The following IMMP1L variants were observed in gnomAD, a reference collection of about 807,000 sequenced individuals.
IMMP1L encodes the protein inner mitochondrial membrane peptidase subunit 1.
Under a neutral mutation model 21.8 loss-of-function variants are expected in IMMP1L, and 24 were observed. The ratio of observed to expected loss-of-function variants is 1.10; its 90% CI spans 0.80 to 1.55. The LOEUF is 1.55. Ranked by LOEUF, IMMP1L falls within the 40% of genes most tolerant of loss-of-function variation. The probability of loss-of-function intolerance (pLI) is 0.00; values close to 1 mark genes in which losing one functional copy is unlikely to be tolerated. For synonymous variants in IMMP1L, 46 were observed against 62.8 expected, an observed-to-expected ratio of 0.73 and a Z score of 1.26; for missense variants, 195 against 200.7, an observed-to-expected ratio of 0.97 and a Z score of 0.17.
chr11:31,462,331 A>G (rs66974646), intron 2 of IMMP1L, among the ~76,000 whole-genome samples: 25 of 147,172 alleles, frequency 1.7e-4, no homozygotes, highest in African/African-American at 2.1e-4. Context: ...AAAAAAAAAA[A>G]GAAGGGAAAT....
intron 1 of IMMP1L, chr11:31,469,794 G>T (rs1412072796): frequency 6.6e-6 from 1 of 152,104 alleles, no homozygotes; most frequent in Non-Finnish European, 1.5e-5. Flanking sequence ...GTAGAGTCAA[G>T]ATGCTGAAAA....
At chr11:31,454,699 T>A in intron 4 of IMMP1L, among the ~76,000 whole-genome samples, 1 of 152,160 alleles carries the variant, frequency 6.6e-6, no homozygotes, top group Non-Finnish European at 1.5e-5. Flanking sequence ...ATTTACATCT[T>A]ACAGTGCTGG....
At position 31,455,977 on chromosome 11, in the gene IMMP1L, G is replaced by A. The variant is rs556923217; in HGVS notation, c.321+283C>T. On this transcript the variant is annotated intron_variant, in intron 4 of 5. Transcript: ENST00000532287. ...TTTGGGAGAGATAAGTTCAGATTAT[G>A]TAAAATTCTATTTCTCCTCAAACTT... Among the ~76,000 whole-genome samples the A allele has an allele frequency of 6.6e-5, 10 of 152,192 alleles. 1 individual carries two copies. In the South Asian group the frequency reaches 2.1e-3, roughly 32 times the overall value.
At chr11:31,457,861 A>T (rs1015554233) in intron 3 of IMMP1L, among the ~76,000 whole-genome samples, 26 of 152,188 alleles carry the variant, frequency 1.7e-4, no homozygotes, top group Non-Finnish European at 1.3e-4. Context: ...GTTGAAAGGT[A>T]GCAAATCGTT....
rs377212112 is a variant in IMMP1L, at chr11:31,435,191, C to T, written c.322-1621G>A. Among the ~76,000 whole-genome samples, 3 of 152,100 alleles carry T rather than the reference C, an allele frequency of 2.0e-5. No homozygotes were observed. The East Asian group carries it at 5.8e-4, about 29-fold the overall frequency. On this transcript the variant is annotated intron_variant, in intron 4 of 5. Transcript: ENST00000532287. ...TAAAACATTATGCAAACTAATAAGG[C>T]AACTATCAACAATCTAGGGATATCT...
intron 1 of IMMP1L, among the ~76,000 whole-genome samples, chr11:31,483,356 TAAAG>T (rs1954964086): frequency 6.6e-6 from 1 of 152,148 alleles, no homozygotes; most frequent in Admixed American, 6.6e-5. Context: ...CACAGATGTA[TAAAG>T]ATAGTCTAAA....
At chr11:31,504,069 C>CA (rs1385507193) in intron 1 of IMMP1L, among the ~76,000 whole-genome samples, 2 of 151,840 alleles carry the variant, frequency 1.3e-5, no homozygotes, top group African/African-American at 4.8e-5. Context: ...ACACCAAACA[C>CA]AAAAAAGTCA....
chr11:31,494,792 C>T (rs1374279856), intron 1 of IMMP1L, among the ~76,000 whole-genome samples: 1 of 152,078 alleles, frequency 6.6e-6, no homozygotes, highest in Non-Finnish European at 1.5e-5. Flanking sequence ...ACTACAGGTG[C>T]CCGCCACCAC....
At chr11:31,464,068 A>G (rs908857885) in intron 1 of IMMP1L, among the ~76,000 whole-genome samples, 5 of 152,124 alleles carry the variant, frequency 3.3e-5, no homozygotes, top group Non-Finnish European at 5.9e-5. Flanking sequence ...CTTAACTAAT[A>G]GCCTAACTCT....
At chr11:31,441,551 C>T (rs1953331214) in intron 4 of IMMP1L, among the ~76,000 whole-genome samples, 1 of 151,988 alleles carries the variant, frequency 6.6e-6, no homozygotes, top group Non-Finnish European at 1.5e-5. Context: ...AAACACAACA[C>T]CTGACTTTCC....
At chr11:31,489,556 T>C (rs1955189146) in intron 1 of IMMP1L, among the ~76,000 whole-genome samples, 1 of 152,158 alleles carries the variant, frequency 6.6e-6, no homozygotes, top group Admixed American at 6.5e-5. Context: ...CCTTTAGCAG[T>C]AAACCATTAG....
At chr11:31,440,279 G>A (rs1489502250) in intron 4 of IMMP1L, among the ~76,000 whole-genome samples, 5 of 152,170 alleles carry the variant, frequency 3.3e-5, no homozygotes, top group African/African-American at 1.2e-4. Flanking sequence ...TATTAAAACA[G>A]TAGTTTCACA....
At chr11:31,442,056 A>G (rs1463698217) in intron 4 of IMMP1L, among the ~76,000 whole-genome samples, 1 of 152,184 alleles carries the variant, frequency 6.6e-6, no homozygotes, top group African/African-American at 2.4e-5. Flanking sequence ...TTTTGCCCAA[A>G]CCTGAATTCT....
intron 1 of IMMP1L, among the ~76,000 whole-genome samples, chr11:31,489,840 G>A (rs945891497): frequency 1.3e-5 from 2 of 151,870 alleles, no homozygotes; most frequent in African/African-American, 4.8e-5. Context: ...CCACTTACAA[G>A]CACCATGTTT....
intron 4 of IMMP1L, among the ~76,000 whole-genome samples, chr11:31,445,050 A>C (rs1260639510): frequency 6.6e-6 from 1 of 152,190 alleles, no homozygotes; most frequent in Non-Finnish European, 1.5e-5. Context: ...GATTTAAAAA[A>C]AGCACTTTAT....
At chr11:31,456,876 C>CAAAAA (rs56849120) in intron 3 of IMMP1L, among the ~76,000 whole-genome samples, 1 of 17,968 alleles carries the variant, frequency 5.6e-5, no homozygotes, top group Admixed American at 1.0e-3. Flanking sequence ...ACCATGTCTC[C>CAAAAA]AAAAAAAAAA....
Position 31,460,670 on chromosome 11 carries a change from A to G in IMMP1L, c.150T>C (p.Ile50=), listed in dbSNP as rs774301812. The change falls in exon 3 of 6, where the codon ATT becomes ATC. Residue 50 remains isoleucine (I), a synonymous_variant. Transcript: ENST00000532287. The part of the protein sequence containing the change: ...SMEPTIQNSD[I]VFAENLSRHF... ...GTCGACTAAGATTTTCTGCAAAGAC[A>G]ATATCTGAATTTTGAATTGTAGGCT... The G allele has an allele frequency of 1.2e-6, 2 of 1,611,710 alleles. No individual in the cohort carries two copies. Among genetic ancestry groups the G allele is most frequent in the Non-Finnish European group, 8.5e-7 (1 of 1,178,102 alleles).
chr11:31,480,803 T>A (rs1313524474), intron 1 of IMMP1L, among the ~76,000 whole-genome samples: 2 of 152,060 alleles, frequency 1.3e-5, no homozygotes, highest in Non-Finnish European at 2.9e-5. Flanking sequence ...AAAAACTTTC[T>A]AACCATCAAT....
At chr11:31,445,473 A>G (rs1434885665) in intron 4 of IMMP1L, among the ~76,000 whole-genome samples, 1 of 152,248 alleles carries the variant, frequency 6.6e-6, no homozygotes, top group East Asian at 1.9e-4. Flanking sequence ...TATTAGAAAT[A>G]GATTACCAGT....
Sources: gnomAD v4.1 joint callset for allele counts (sites outside exome capture counted in the v4.1 genomes callset) on GRCh38, gnomAD v4.1.1 for gene constraint, MANE v1.5 for transcripts, NCBI Gene and HGNC (gene_info 2026-07-23, HGNC 2026-07-21) for gene names.